The following MLIP variants were observed in gnomAD, a reference collection of about 807,000 sequenced individuals.
The protein encoded by MLIP is muscular LMNA interacting protein, also known as muscular LMNA-interacting protein.
A neutral mutation model predicts 84.8 loss-of-function variants in MLIP; 79 were observed. The observed-to-expected ratio is 0.93, with a 90% confidence interval of 0.78 to 1.12. The LOEUF is 1.12. MLIP is among the 50% of genes most tolerant of loss of function. The probability of loss-of-function intolerance (pLI) is 0.00; values close to 1 mark genes in which losing one functional copy is unlikely to be tolerated. For missense variants in MLIP, 1,257 were observed against 1,160.6 expected, an observed-to-expected ratio of 1.08 and a Z score of -1.21; for synonymous variants, 504 against 463.0, an observed-to-expected ratio of 1.09 and a Z score of -1.14.
At chr6:54,220,291 G>A (rs931088290) in intron 11 of MLIP, among the ~76,000 whole-genome samples, 1 of 151,898 alleles carries the variant, frequency 6.6e-6, no homozygotes, top group African/African-American at 2.4e-5. Context: ...AACAAAACCG[G>A]CATCCAAGGT....
chr6:54,206,769 C>A, intron 11 of MLIP, among the ~76,000 whole-genome samples: 1 of 152,160 alleles, frequency 6.6e-6, no homozygotes, highest in African/African-American at 2.4e-5. Flanking sequence ...TGACCTTCAA[C>A]TTCCCTTCTT....
In MLIP at chr6:54,137,149, G is replaced by T. The variant is rs1198606303; in HGVS notation, c.1080G>T (p.Ser360=). 1.3e-6 allele frequency: 2 copies of T among 1,535,952 alleles called. No homozygotes were observed. The highest frequency in any genetic ancestry group is 3.3e-4 in the Middle Eastern group (2 of 5,990). ...PSSSASLKSN[S]ASYIPVRIVT... is the part of the protein sequence containing the mutation. The stretch of plus-strand genomic sequence containing the variant: ...CCAGTGCTTCTCTGAAGTCGAATTC[G>T]GCCTCGTACATACCAGTCCGCATTG... The change falls in exon 4 of 14, where the codon TCG becomes TCT. Residue 360 remains serine (S), a synonymous_variant. Transcript: ENST00000502396.
intron 1 of MLIP, chr6:54,083,457 G>A (rs1211765267): frequency 6.6e-6 from 10 of 1,523,358 alleles, no homozygotes; most frequent in Non-Finnish European, 8.8e-6. Flanking sequence ...CATCTTTGCA[G>A]CTCATCAATA....
intron 1 of MLIP, among the ~76,000 whole-genome samples, chr6:54,042,524 GGTATATCACCAGAAA>G (rs1441185210): frequency 6.6e-6 from 1 of 152,050 alleles, no homozygotes; most frequent in Non-Finnish European, 1.5e-5. Context: ...CACAACAGAA[GGTATATCACCAGAAA>G]GTCACAGTCT....
At chr6:54,184,608 T>G (rs992519014) in intron 9 of MLIP, among the ~76,000 whole-genome samples, 1 of 152,242 alleles carries the variant, frequency 6.6e-6, no homozygotes, top group Non-Finnish European at 1.5e-5. Context: ...TGTAGGAATT[T>G]GTCTTTCAAT....
chr6:54,169,612 G>C (rs765258235), intron 9 of MLIP, 40 bp downstream of exon 9: 1 of 1,413,386 alleles, frequency 7.1e-7, no homozygotes, highest in Non-Finnish European at 9.7e-7. Flanking sequence ...TTTTCAAATG[G>C]GTGCCTGTGT....
At chr6:54,259,223 C>T (rs559457319) in intron 13 of MLIP, among the ~76,000 whole-genome samples, 1 of 151,384 alleles carries the variant, frequency 6.6e-6, no homozygotes, top group Non-Finnish European at 1.5e-5. Context: ...AACTTTTTGT[C>T]AAATGTGTTA....
intron 1 of MLIP, among the ~76,000 whole-genome samples, chr6:54,060,412 A>G (rs539464555): frequency 6.6e-6 from 1 of 152,306 alleles, no homozygotes; most frequent in African/African-American, 2.4e-5. Flanking sequence ...CACTGTTACA[A>G]CCAGCATTCC....
chr6:54,264,148 G>A (rs967951269), intron 13 of MLIP, among the ~76,000 whole-genome samples: 1 of 151,922 alleles, frequency 6.6e-6, no homozygotes, highest in Non-Finnish European at 1.5e-5. Flanking sequence ...TTGCTGGCAT[G>A]GCATCAGAGG....
chr6:54,252,177 C>CAT lies in MLIP; in HGVS notation c.2923-5129_2923-5128dup, dbSNP rs376252510. ...CATATAATATATAACTATATTATAACATAATATATAACTATAATATATTAT... is the reference window on the plus strand; with the variant it reads ...CATATAATATATAACTATATTATAACATATAATATATAACTATAATATATTAT... On this transcript the variant is annotated intron_variant, in intron 12 of 13. Transcript: ENST00000502396. Among the ~76,000 whole-genome samples the CAT allele has an allele frequency of 7.7e-3, 597 of 77,444 alleles. 48 individuals are homozygous for CAT. Among genetic ancestry groups the CAT allele is most frequent in the African/African-American group, 0.047 (537 of 11,506 alleles). 50.8% of individuals were successfully genotyped at this position (77,444 alleles called of 152,430 possible).
upstream of MLIP, among the ~76,000 whole-genome samples, chr6:54,108,069 G>GTAA (rs1040813003): frequency 1.3e-5 from 2 of 152,170 alleles, no homozygotes; most frequent in Admixed American, 1.3e-4. Context: ...AGGTATTGCA[G>GTAA]TAATATCCGT....
chr6:54,106,325 C>A (rs76490106), intron 1 of MLIP, among the ~76,000 whole-genome samples: 2,249 of 152,192 alleles, frequency 0.015, 69 homozygotes, highest in African/African-American at 0.05. Context: ...AGACTGACAG[C>A]TGACCACAGT....
At chr6:54,192,924 G>A (rs1778047066) in intron 10 of MLIP, among the ~76,000 whole-genome samples, 1 of 152,152 alleles carries the variant, frequency 6.6e-6, no homozygotes, top group Admixed American at 6.5e-5. Flanking sequence ...GGTACCACAA[G>A]CTTAATGCAA....
At chr6:54,243,490 G>A (rs1379857143) in intron 12 of MLIP, among the ~76,000 whole-genome samples, 1 of 152,140 alleles carries the variant, frequency 6.6e-6, no homozygotes, top group East Asian at 1.9e-4. Flanking sequence ...AGAAGTCACT[G>A]AAATTTTATA....
chr6:54,096,916 A>G (rs907272300), intron 1 of MLIP, among the ~76,000 whole-genome samples: 31 of 152,274 alleles, frequency 2.0e-4, no homozygotes, highest in African/African-American at 6.7e-4. Context: ...CACTTCAAAC[A>G]TTAGAGAAGA....
chr6:54,080,680 C>T (rs1442054115), intron 1 of MLIP, among the ~76,000 whole-genome samples: 1 of 148,284 alleles, frequency 6.7e-6, no homozygotes, highest in Non-Finnish European at 1.5e-5. Context: ...AAATTTCTTT[C>T]TATAAAATAC....
chr6:54,124,893 A>C, intron 3 of MLIP, 28 bp downstream of exon 3: 1 of 1,529,344 alleles, frequency 6.5e-7, no homozygotes, highest in Non-Finnish European at 8.8e-7. Flanking sequence ...GCTGTCCATA[A>C]GGAAAAAAAA....
intron 11 of MLIP, among the ~76,000 whole-genome samples, chr6:54,219,839 A>C (rs540197360): frequency 2.6e-4 from 39 of 152,312 alleles, no homozygotes; most frequent in Admixed American, 2.2e-3. Flanking sequence ...GTGAGCCCTC[A>C]GTTGGCCATT....
chr6:54,115,770 CAA>C (rs1377681362), intron 1 of MLIP, among the ~76,000 whole-genome samples: 2 of 151,938 alleles, frequency 1.3e-5, no homozygotes, highest in Admixed American at 1.3e-4. Context: ...AGTTTTTAGA[CAA>C]GAGAGAAGAA....
Sources: allele counts gnomAD v4.1 joint callset (sites outside exome capture counted in the v4.1 genomes callset), GRCh38; gene constraint gnomAD v4.1.1; transcripts MANE v1.5; gene names NCBI Gene and HGNC (gene_info 2026-07-23, HGNC 2026-07-21).